ADGB: variants seen among roughly 807,000 people sequenced by gnomAD.
ADGB encodes androglobin.
A neutral mutation model predicts 210.5 loss-of-function variants in ADGB; 172 were observed. The ratio of observed to expected loss-of-function variants is 0.82; its 90% confidence interval spans 0.72 to 0.93. ADGB has a LOEUF of 0.93. ADGB is among the 40% of genes least tolerant of loss of function. ADGB has a pLI of 0.00. For synonymous variants in ADGB, 658 were observed against 662.7 expected, an observed-to-expected ratio of 0.99 and a Z score of 0.11; for missense variants, 2,025 against 1,964.8, an observed-to-expected ratio of 1.03 and a Z score of -0.58.
chr6:146,736,396 C>A, intron 22 of ADGB, 102 bp from the exon 23 acceptor site: 2 of 728,184 alleles, frequency 2.7e-6, no homozygotes, highest in Non-Finnish European at 4.3e-6. Context: ...TACCATCTTA[C>A]TTGTGAGTTT....
intron 23 of ADGB, among the ~76,000 whole-genome samples, chr6:146,738,438 C>CTTTTTTTTTT (rs71031008): frequency 1.7e-4 from 12 of 71,394 alleles, no homozygotes; most frequent in African/African-American, 5.4e-4. Context: ...CCCATTTCAT[C>CTTTTTTTTTT]TTTTTTTTTT....
At position 146,768,885 on chromosome 6, in the gene ADGB, C is replaced by T. The variant is rs1777613376; in HGVS notation, c.3751-135C>T. ...GCGTTACAGAGTTTTGGAGAACATC[C>T]AGCATGATTTAACTAAATTATGACT... is the stretch of plus-strand genomic sequence containing the variant. On this transcript the variant is annotated intron_variant, in intron 28 of 35. Transcript: ENST00000397944. 20 of 472,480 alleles carry T rather than the reference C, an allele frequency of 4.2e-5. 1 individual carries two copies. In the East Asian group the frequency reaches 6.1e-4, roughly 14 times the overall value. The allele number at this position is 472,480 out of a possible 1,614,324, so 29.3% of individuals were successfully genotyped here. A position where few individuals can be genotyped will look rare whatever the true frequency, so the allele number is the denominator to read the frequency against.
rs1351021361 is a variant in ADGB, at chr6:146,815,084, GA to G, written c.4874del (p.Asn1625ThrfsTer9). On this transcript the variant is annotated frameshift_variant, in exon 36 of 36. Coordinates refer to ENST00000397944, the MANE Select transcript of ADGB (RefSeq NM_024694.4). LOFTEE classifies it low-confidence loss of function (END_TRUNC). The stretch of plus-strand genomic sequence containing the variant: ...ATTTTCGACATCCGGGAAGAGTACA[GA>G]AACAAATTGCTGGAAGCTGAGCACC... ...QKIFDIREEY[R>X]NKLLEAEHLK... is the part of the protein sequence containing the mutation. The G allele has an allele frequency of 6.5e-7, 1 of 1,548,700 alleles. No individual in the cohort carries two copies. The highest frequency in any genetic ancestry group is 8.7e-7 in the Non-Finnish European group (1 of 1,146,282).
At chr6:146,659,821 G>A (rs558935290) in intron 5 of ADGB, among the ~76,000 whole-genome samples, 24 of 152,194 alleles carry the variant, frequency 1.6e-4, no homozygotes, top group Admixed American at 5.2e-4. Flanking sequence ...TTGGGCCCCC[G>A]AAAGAAGCAG....
Position 146,709,030 on chromosome 6 carries a change from T to C in ADGB, c.1708-6352T>C, listed in dbSNP as rs1411500033. ...GCATTTTTAATTTCATTTCATTCATTGTAATGTTCACCTCTAGAATTTCTG... is the reference window on the plus strand; with the variant it reads ...GCATTTTTAATTTCATTTCATTCATCGTAATGTTCACCTCTAGAATTTCTG... On this transcript the variant is annotated intron_variant, in intron 13 of 35. Coordinates refer to ENST00000397944, the MANE Select transcript of ADGB (RefSeq NM_024694.4). 2.0e-5 allele frequency among the ~76,000 whole-genome samples: 3 copies of C among 152,190 alleles called. No individual in the cohort carries two copies. The South Asian group carries it at 6.2e-4, about 31-fold the overall frequency.
At chr6:146,684,176 T>C (rs1403587222) in intron 9 of ADGB, among the ~76,000 whole-genome samples, 14 of 152,110 alleles carry the variant, frequency 9.2e-5, no homozygotes, top group Non-Finnish European at 1.5e-4. Context: ...TGCTTCATAC[T>C]TTCCTAAGGT....
At position 146,724,242 on chromosome 6, in the gene ADGB, T is replaced by C. The variant is rs1467139098; in HGVS notation, c.2152T>C (p.Ser718Pro). ...TGGACTTCTCACAGCTGAAACGTTT[T>C]CTTGGAAATCCCTGAAACCAGGCAG... ...EPGLLTAETFSWKSLKPGSLV... is the reference protein window; with the variant it reads ...EPGLLTAETFPWKSLKPGSLV... Residue 718 changes from serine to proline, a missense_variant, in exon 18 of 36, where the codon TCT becomes CCT. Ser to Pro is a moderately conservative substitution (Grantham distance 74). Coordinates refer to ENST00000397944, the MANE Select transcript of ADGB (RefSeq NM_024694.4). 6.4e-7 allele frequency: 1 copy of C among 1,551,264 alleles called. No individual in the cohort carries two copies. The highest frequency in any genetic ancestry group is 2.0e-5 in the Admixed American group (1 of 50,918).
At position 146,801,280 on chromosome 6, in the gene ADGB, G is replaced by T; in HGVS notation, c.4634+1G>T. 6.8e-7 allele frequency: 1 copy of T among 1,466,714 alleles called. No individual in the cohort carries two copies. Among genetic ancestry groups the T allele is most frequent in the South Asian group, 1.4e-5 (1 of 71,414 alleles). 90.9% of individuals were successfully genotyped at this position (1,466,714 alleles called of 1,614,324 possible). ...TTATGGATTTAAGTCAATATGTTCG[G>T]TAAGTTTTCATAAACATGATTGATG... On this transcript the variant is annotated splice_donor_variant, in intron 34 of 35. Transcript: ENST00000397944. LOFTEE classifies it high-confidence loss of function.
At chr6:146,718,239 C>T (rs1224374218) in intron 16 of ADGB, among the ~76,000 whole-genome samples, 1 of 150,314 alleles carries the variant, frequency 6.7e-6, no homozygotes, top group African/African-American at 2.4e-5. Flanking sequence ...CTCAGCTACT[C>T]AGGAGGCTGA....
intron 16 of ADGB, 89 bp downstream of exon 16, chr6:146,717,688 C>A: frequency 1.6e-6 from 1 of 642,388 alleles, no homozygotes; most frequent in South Asian, 2.6e-5. Context: ...CAAAACATTT[C>A]TAAACTTGTA....
chr6:146,600,098 A>G (rs1490429194), intron 1 of ADGB, among the ~76,000 whole-genome samples: 1 of 151,980 alleles, frequency 6.6e-6, no homozygotes, highest in Admixed American at 6.6e-5. Context: ...ACTCATTCCC[A>G]TGTCTGTGAA....
intron 25 of ADGB, among the ~76,000 whole-genome samples, chr6:146,742,196 G>C (rs893041300): frequency 6.6e-6 from 1 of 151,792 alleles, no homozygotes; most frequent in South Asian, 2.1e-4. Flanking sequence ...AATTTTCGAT[G>C]AAATTACTTA....
chr6:146,626,262 T>C (rs1780971045), intron 1 of ADGB, among the ~76,000 whole-genome samples: 1 of 152,056 alleles, frequency 6.6e-6, no homozygotes, highest in Non-Finnish European at 1.5e-5. Flanking sequence ...AAACCTCGTA[T>C]TACATCATCC....
chr6:146,627,220 G>A (rs1780987290), intron 1 of ADGB, among the ~76,000 whole-genome samples: 1 of 152,000 alleles, frequency 6.6e-6, no homozygotes, highest in Non-Finnish European at 1.5e-5. Flanking sequence ...ATGATTGTTA[G>A]TTAATTCTAA....
chr6:146,674,357 T>G (rs9485109), intron 8 of ADGB, among the ~76,000 whole-genome samples: 3,582 of 146,232 alleles, frequency 0.024, 147 homozygotes, highest in African/African-American at 0.083. Context: ...GGAAAATTGG[T>G]TTTTTTTTTT....
In ADGB at chr6:146,754,342, A is replaced by C. The variant is rs148855880; in HGVS notation, c.3550+1628A>C. On this transcript the variant is annotated intron_variant, in intron 27 of 35. Coordinates refer to ENST00000397944, the MANE Select transcript of ADGB (RefSeq NM_024694.4). ...TAGAAAGAATTGGATTTATTATTCA[A>C]ACCCGAATGGCTCTTTTAGATTTAT... is the stretch of plus-strand genomic sequence containing the variant. 4.6e-3 allele frequency among the ~76,000 whole-genome samples: 697 copies of C among 151,564 alleles called. 1 individual carries two copies. Among genetic ancestry groups the C allele is most frequent in the African/African-American group, 0.016 (653 of 41,528 alleles).
intron 29 of ADGB, among the ~76,000 whole-genome samples, chr6:146,779,078 A>C (rs201414121): frequency 1.3e-5 from 2 of 151,860 alleles, no homozygotes; most frequent in East Asian, 1.9e-4. Context: ...AAAAAAAAAA[A>C]CAGCCAATAT....
intron 13 of ADGB, among the ~76,000 whole-genome samples, chr6:146,714,328 T>TC (rs1012603935): frequency 6.9e-6 from 1 of 144,358 alleles, no homozygotes; most frequent in Non-Finnish European, 1.5e-5. Flanking sequence ...TTTTTTTTTT[T>TC]CCCCTGACTC....
intron 5 of ADGB, among the ~76,000 whole-genome samples, chr6:146,659,266 T>C (rs1206957626): frequency 1.3e-5 from 2 of 152,196 alleles, no homozygotes; most frequent in African/African-American, 4.8e-5. Flanking sequence ...AACATGTTTA[T>C]AAAATATGCA....
Sources: allele counts gnomAD v4.1 joint callset (sites outside exome capture counted in the v4.1 genomes callset), GRCh38; gene constraint gnomAD v4.1.1; transcripts MANE v1.5; gene names NCBI Gene and HGNC (gene_info 2026-07-23, HGNC 2026-07-21).